The following RALGPS1 variants were observed in gnomAD, a reference collection of about 807,000 sequenced individuals.
The protein encoded by RALGPS1 is ras-specific guanine nucleotide-releasing factor RalGPS1.
Under a neutral mutation model 78.8 loss-of-function variants are expected in RALGPS1, and 19 were observed. The ratio of observed to expected loss-of-function variants is 0.24; its 90% CI spans 0.17 to 0.35. RALGPS1 has a LOEUF of 0.35. Among genes scored for constraint, RALGPS1 ranks in the 10% least tolerant of loss-of-function variants. The probability of loss-of-function intolerance (pLI) is 1.00; values close to 1 mark genes in which losing one functional copy is unlikely to be tolerated. For synonymous variants in RALGPS1, 228 were observed against 256.3 expected (o/e 0.89, Z 1.06); for missense variants, 454 against 688.3 (o/e 0.66, Z 3.81).
At chr9:126,918,310 C>T (rs778455216) in intron 1 of RALGPS1, among the ~76,000 whole-genome samples, 1 of 152,158 alleles carries the variant, frequency 6.6e-6, no homozygotes, top group Non-Finnish European at 1.5e-5. Context: ...GGGAAAGGCC[C>T]AGTAATAAAT....
intron 8 of RALGPS1, among the ~76,000 whole-genome samples, chr9:127,155,397 A>T (rs2058655774): frequency 6.6e-6 from 1 of 152,130 alleles, no homozygotes; most frequent in African/African-American, 2.4e-5. Context: ...GCCAGGAAGG[A>T]GAAGGAGGCA....
chr9:127,148,229 C>T (rs1358915072), intron 8 of RALGPS1, among the ~76,000 whole-genome samples: 3 of 152,246 alleles, frequency 2.0e-5, no homozygotes, highest in Non-Finnish European at 4.4e-5. Flanking sequence ...CACCCCTGCC[C>T]AGACTGCGGC....
chr9:126,942,117 T>G (rs1393151172), intron 1 of RALGPS1, among the ~76,000 whole-genome samples: 1 of 152,238 alleles, frequency 6.6e-6, no homozygotes, highest in Non-Finnish European at 1.5e-5. Context: ...TGAGCCATCC[T>G]GTATTAAGGA....
At position 127,218,745 on chromosome 9, in the gene RALGPS1, T is replaced by C; in HGVS notation, c.1650T>C (p.Pro550=). 6.2e-7 allele frequency: 1 copy of C among 1,614,070 alleles called. No homozygotes were observed. ...DACKSNRPQV[P]ANLMSFE is the part of the protein sequence containing the mutation. ...GGCTGAGCTTTCTCTTCTAGGTACC[T>C]GCAAACCTTATGTCATTTGAGTAAG... Residue 550 remains proline, a synonymous_variant, in exon 19 of 19, where the codon CCT becomes CCC. Coordinates refer to ENST00000259351, the MANE Select transcript of RALGPS1 (RefSeq NM_014636.3). This position sits in a 1 kb window ranked among gnomAD's most constrained non-coding sequence, Gnocchi z 4.4.
At chr9:127,013,979 T>TG (rs2044594095) in intron 4 of RALGPS1, among the ~76,000 whole-genome samples, 1 of 152,246 alleles carries the variant, frequency 6.6e-6, no homozygotes, top group South Asian at 2.1e-4. Context: ...AATTGATGCC[T>TG]GTCTTCTCCA....
intron 7 of RALGPS1, among the ~76,000 whole-genome samples, chr9:127,059,886 GC>G (rs1192267392): frequency 6.6e-6 from 1 of 152,020 alleles, no homozygotes; most frequent in Non-Finnish European, 1.5e-5. Context: ...TGAGAAATAA[GC>G]CTCTCCCTCC....
At chr9:127,056,021 G>T (rs1293735221) in intron 7 of RALGPS1, among the ~76,000 whole-genome samples, 1 of 152,176 alleles carries the variant, frequency 6.6e-6, no homozygotes, top group Non-Finnish European at 1.5e-5. Context: ...TTTGAAGGCT[G>T]CCCTGCAAAT....
At chr9:127,019,210 A>C (rs1446557784) in intron 4 of RALGPS1, among the ~76,000 whole-genome samples, 1 of 152,244 alleles carries the variant, frequency 6.6e-6, no homozygotes, top group Non-Finnish European at 1.5e-5. Context: ...ACAGTCACTC[A>C]AATCATTTTC....
intron 8 of RALGPS1, among the ~76,000 whole-genome samples, chr9:127,139,972 A>G (rs892813958): frequency 2.0e-5 from 3 of 152,234 alleles, no homozygotes; most frequent in African/African-American, 7.2e-5. Context: ...CGCTCATGGC[A>G]TGTGTCCACC....
chr9:127,084,533 T>C (rs962182705), intron 8 of RALGPS1, among the ~76,000 whole-genome samples: 1 of 152,212 alleles, frequency 6.6e-6, no homozygotes, highest in Non-Finnish European at 1.5e-5. Flanking sequence ...CCCACTGCTC[T>C]TTGTGCCCCT....
At chr9:126,922,011 G>A (rs1301680507) in intron 1 of RALGPS1, among the ~76,000 whole-genome samples, 2 of 152,170 alleles carry the variant, frequency 1.3e-5, no homozygotes, top group Admixed American at 1.3e-4. Flanking sequence ...GCATGTCCAG[G>A]GTGGCAGGCA....
intron 14 of RALGPS1, among the ~76,000 whole-genome samples, chr9:127,203,438 C>G (rs543837544): frequency 6.6e-6 from 1 of 152,174 alleles, no homozygotes; most frequent in Non-Finnish European, 1.5e-5. Flanking sequence ...CTCCCCTGGT[C>G]GGAATCACCT....
chr9:127,058,376 T>C (rs2048920987), intron 7 of RALGPS1, among the ~76,000 whole-genome samples: 1 of 152,174 alleles, frequency 6.6e-6, no homozygotes, highest in South Asian at 2.1e-4. Flanking sequence ...CTGTTGCTAC[T>C]GTGTGGAAAA....
chr9:127,146,284 C>T (rs1397884678), intron 8 of RALGPS1, among the ~76,000 whole-genome samples: 2 of 152,030 alleles, frequency 1.3e-5, no homozygotes, highest in Admixed American at 1.3e-4. Flanking sequence ...CCATGTGTAC[C>T]CTGCGTTTAG....
intron 8 of RALGPS1, among the ~76,000 whole-genome samples, chr9:127,132,744 G>T (rs973636428): frequency 6.6e-6 from 1 of 152,220 alleles, no homozygotes; most frequent in African/African-American, 2.4e-5. Context: ...CTAAATTGGG[G>T]ATTATAAAAA....
At chr9:127,138,996 G>C (rs2057589257) in intron 8 of RALGPS1, among the ~76,000 whole-genome samples, 2 of 152,212 alleles carry the variant, frequency 1.3e-5, no homozygotes, top group South Asian at 4.1e-4. Context: ...CCTGGTTTGA[G>C]ATTTACCTGA....
intron 4 of RALGPS1, among the ~76,000 whole-genome samples, chr9:126,994,512 A>C (rs2042558141): frequency 6.6e-6 from 1 of 152,250 alleles, no homozygotes; most frequent in Non-Finnish European, 1.5e-5. Context: ...CAAAGCCTCC[A>C]AGAAATATGG....
At chr9:127,101,269 G>A (rs1171227492) in intron 8 of RALGPS1, among the ~76,000 whole-genome samples, 1 of 152,228 alleles carries the variant, frequency 6.6e-6, no homozygotes, top group Non-Finnish European at 1.5e-5. Context: ...GCACCTGTGA[G>A]AAAGCCAGGG....
intron 8 of RALGPS1, among the ~76,000 whole-genome samples, chr9:127,075,736 CG>C (rs1442864621): frequency 1.3e-5 from 2 of 152,198 alleles, no homozygotes; most frequent in Non-Finnish European, 2.9e-5. Context: ...TGCTTGAGAC[CG>C]TGAATGCTGC....
Sources: allele counts gnomAD v4.1 joint callset (sites outside exome capture counted in the v4.1 genomes callset), GRCh38; gene constraint gnomAD v4.1.1; non-coding constraint Gnocchi (gnomAD v3.1); transcripts MANE v1.5; gene names NCBI Gene and HGNC (gene_info 2026-07-23, HGNC 2026-07-21).